CBFA2T2: variants seen among roughly 807,000 people sequenced by gnomAD.
The protein encoded by CBFA2T2 is protein CBFA2T2.
Under a neutral mutation model 62.2 loss-of-function variants are expected in CBFA2T2, and 11 were observed. That is an observed-to-expected ratio of 0.18 (90% CI 0.11 to 0.29). The LOEUF is 0.29. CBFA2T2 is among the 10% of genes least tolerant of loss of function. CBFA2T2 has a pLI of 1.00. For synonymous variants in CBFA2T2, 295 were observed against 287.5 expected, an observed-to-expected ratio of 1.03 and a Z score of -0.27; for missense variants, 592 against 774.1, an observed-to-expected ratio of 0.76 and a Z score of 2.79.
intron 1 of CBFA2T2, among the ~76,000 whole-genome samples, chr20:33,565,762 A>T (rs1334982610): frequency 6.6e-6 from 1 of 152,208 alleles, no homozygotes. Context: ...AAATTCTCCT[A>T]AATTGGCTTC....
At chr20:33,583,579 C>T (rs185449387) in intron 1 of CBFA2T2, among the ~76,000 whole-genome samples, 13 of 152,010 alleles carry the variant, frequency 8.6e-5, no homozygotes, top group East Asian at 1.9e-4. Flanking sequence ...TTTCCAAAAA[C>T]GGATAATTAC....
At position 33,646,725 on chromosome 20, in the gene CBFA2T2, G is replaced by A. The variant is rs1373181611; in HGVS notation, c.*2079G>A. On this transcript the variant is annotated 3_prime_UTR_variant, in exon 11 of 11. Transcript: ENST00000342704. ...AAAATAGAAAAATCAGCCGGGTGTGGTGGCACACACCTGTAATCCTAGCTA... is the reference window on the plus strand; with the variant it reads ...AAAATAGAAAAATCAGCCGGGTGTGATGGCACACACCTGTAATCCTAGCTA... 3 of 151,914 alleles carry A rather than the reference G, an allele frequency of 2.0e-5. No individual in the cohort carries two copies. The highest frequency in any genetic ancestry group is 4.4e-5 in the Non-Finnish European group (3 of 67,982). 9.4% of individuals were successfully genotyped at this position (151,914 alleles called of 1,614,324 possible).
rs559464485 is a variant in CBFA2T2, at chr20:33,572,044, C to T, written c.35-34912C>T. On this transcript the variant is annotated intron_variant, in intron 1 of 10. Coordinates refer to ENST00000342704, the MANE Select transcript of CBFA2T2 (RefSeq NM_001032999.3). ...TAGCTGGGACTACAGGCGCCTGCCA[C>T]CACGGGCCTGGCTAATTTTTGCATT... Among the ~76,000 whole-genome samples, 7 of 152,324 alleles carry T rather than the reference C, an allele frequency of 4.6e-5. No homozygotes were observed. The East Asian group carries it at 1.2e-3, about 25-fold the overall frequency.
chr20:33,498,876 CTT>C (rs896860987), intron 1 of CBFA2T2, among the ~76,000 whole-genome samples: 1 of 151,972 alleles, frequency 6.6e-6, no homozygotes, highest in African/African-American at 2.4e-5. Context: ...AACCCCGTCT[CTT>C]CTAAAAATAC....
At chr20:33,573,942 G>C in intron 1 of CBFA2T2, 1 of 389,184 alleles carries the variant, frequency 2.6e-6, no homozygotes, top group Non-Finnish European at 4.7e-6. Context: ...CACCATACCT[G>C]GCTAATTTTT....
intron 1 of CBFA2T2, among the ~76,000 whole-genome samples, chr20:33,603,482 A>G (rs2015220332): frequency 1.3e-5 from 2 of 152,342 alleles, no homozygotes; most frequent in South Asian, 4.1e-4. Context: ...ACATACATAT[A>G]TATGCACACA....
chr20:33,502,660 C>T (rs1252459418), intron 1 of CBFA2T2, among the ~76,000 whole-genome samples: 1 of 151,346 alleles, frequency 6.6e-6, no homozygotes, highest in East Asian at 2.0e-4. Flanking sequence ...GCCTCGACCT[C>T]CCAAAGTGCT....
intron 1 of CBFA2T2, among the ~76,000 whole-genome samples, chr20:33,516,901 GTTGTT>G (rs2011608717): frequency 6.6e-6 from 1 of 152,212 alleles, no homozygotes; most frequent in Non-Finnish European, 1.5e-5. Flanking sequence ...TATCTCTTCT[GTTGTT>G]TTAAGTGCCT....
chr20:33,624,904 C>T lies in CBFA2T2; in HGVS notation c.833C>T (p.Thr278Ile), dbSNP rs780465808. The change falls in exon 6 of 11, where the codon ACC becomes ATC. Residue 278 changes from threonine to isoleucine, a missense_variant. This residue lies in a region of CBFA2T2 where 449 missense variants were observed against 551.2 expected (regional missense o/e 0.81). Transcript: ENST00000342704. ...AATCCCGGGGGCCAATTCCATCCTACCCCTCCACCTCTTCAGCATTACACC... is the reference window on the plus strand; with the variant it reads ...AATCCCGGGGGCCAATTCCATCCTATCCCTCCACCTCTTCAGCATTACACC... ...LMNPGGQFHP[T>I]PPPLQHYTLE... is the part of the protein sequence containing the mutation. The T allele has an allele frequency of 8.1e-6, 13 of 1,613,988 alleles. No homozygotes were observed. The highest frequency in any genetic ancestry group is 4.0e-5 in the African/African-American group (3 of 74,908).
chr20:33,628,564 G>A (rs2016337154), intron 7 of CBFA2T2, 129 bp downstream of exon 7: 1 of 673,556 alleles, frequency 1.5e-6, no homozygotes, highest in Non-Finnish European at 2.7e-6. Flanking sequence ...TGCTTCCCAG[G>A]TTCAAGCAAT....
intron 1 of CBFA2T2, among the ~76,000 whole-genome samples, chr20:33,550,867 C>T (rs781144586): frequency 6.6e-6 from 1 of 151,970 alleles, no homozygotes; most frequent in Non-Finnish European, 1.5e-5. Context: ...GGTGATCCGT[C>T]CCCTCTCGGC....
intron 1 of CBFA2T2, among the ~76,000 whole-genome samples, chr20:33,532,449 C>T (rs1245865318): frequency 6.6e-6 from 1 of 152,156 alleles, no homozygotes; most frequent in African/African-American, 2.4e-5. Flanking sequence ...TTTCACCAGG[C>T]TATTTAGAGT....
chr20:33,549,829 A>T (rs1009971073), intron 1 of CBFA2T2, among the ~76,000 whole-genome samples: 42 of 151,106 alleles, frequency 2.8e-4, no homozygotes, highest in Non-Finnish European at 1.0e-4. Context: ...ACATGTCTGC[A>T]GATGGCATTT....
rs1468681814 is a variant in CBFA2T2, at chr20:33,574,147, CTG to C, written c.35-32807_35-32806del. The C allele has an allele frequency of 3.8e-5, 61 of 1,601,464 alleles. 1 individual carries two copies. In the Middle Eastern group the frequency reaches 3.7e-3, roughly 96 times the overall value. On this transcript the variant is annotated intron_variant, in intron 1 of 10. Coordinates refer to ENST00000342704, the MANE Select transcript of CBFA2T2 (RefSeq NM_001032999.3). ...TAGTTTTTGTGGAGCACAATCCTGACTGTACCTGTGATGTTGCATTCATCTTT... is the reference window on the plus strand; with the variant it reads ...TAGTTTTTGTGGAGCACAATCCTGACTACCTGTGATGTTGCATTCATCTTT...
chr20:33,634,165 C>T (rs1019119776), intron 8 of CBFA2T2, among the ~76,000 whole-genome samples: 2 of 152,142 alleles, frequency 1.3e-5, no homozygotes, highest in Non-Finnish European at 1.5e-5. Flanking sequence ...GACGGGGTTT[C>T]ACCATGTTAG....
At chr20:33,501,335 T>C (rs1408235594) in intron 1 of CBFA2T2, among the ~76,000 whole-genome samples, 1 of 152,218 alleles carries the variant, frequency 6.6e-6, no homozygotes, top group East Asian at 1.9e-4. Flanking sequence ...GCCATCTCCA[T>C]GCAGAGGTCG....
At chr20:33,505,330 C>G (rs555852207) in intron 1 of CBFA2T2, among the ~76,000 whole-genome samples, 1 of 152,306 alleles carries the variant, frequency 6.6e-6, no homozygotes, top group East Asian at 1.9e-4. Context: ...ATCTTTTCAC[C>G]TGTCTACCTG....
intron 1 of CBFA2T2, among the ~76,000 whole-genome samples, chr20:33,567,837 G>A (rs948579568): frequency 6.6e-6 from 1 of 152,150 alleles, no homozygotes; most frequent in Non-Finnish European, 1.5e-5. Context: ...ACCCGCTTCG[G>A]CCTCCCAAAG....
intron 8 of CBFA2T2, among the ~76,000 whole-genome samples, chr20:33,635,751 G>A (rs1487103553): frequency 1.3e-5 from 2 of 152,116 alleles, no homozygotes; most frequent in African/African-American, 4.8e-5. Context: ...GGTGGTACAT[G>A]CCTAAAGTCC....
Sources: allele counts gnomAD v4.1 joint callset (sites outside exome capture counted in the v4.1 genomes callset), GRCh38; gene constraint gnomAD v4.1.1; regional missense constraint gnomAD v4.1.1; transcripts MANE v1.5; gene names NCBI Gene and HGNC (gene_info 2026-07-23, HGNC 2026-07-21).